Variants in CYSLTR1 observed in about 807,000 individuals in gnomAD.
CYSLTR1 encodes the protein cysteinyl leukotriene receptor 1, also known as G-protein coupled receptor HG55.
In CYSLTR1, 1 loss-of-function variant was observed where a neutral mutation model predicts 2.1. The observed-to-expected ratio is 0.48, with a 90% CI of 0.17 to 2.28. The LOEUF is 2.28. CYSLTR1 is among the 30% of genes most tolerant of loss of function. CYSLTR1 has a pLI of 0.26. For synonymous variants in CYSLTR1, 110 were observed against 89.6 expected (o/e 1.23, Z -1.28); for missense variants, 299 against 250.1 (o/e 1.20, Z -1.32).
chrX:78,301,929 T>G (rs938589037), intron 1 of CYSLTR1, among the ~76,000 whole-genome samples: 1 of 112,220 alleles, frequency 8.9e-6, no homozygotes, highest in Non-Finnish European at 1.9e-5. Context: ...AGCCACACCT[T>G]ACATGGTGGC....
At chrX:78,274,638 C>A (rs1210548930) in intron 2 of CYSLTR1, among the ~76,000 whole-genome samples, 1 of 110,391 alleles carries the variant, frequency 9.1e-6, no homozygotes, top group Non-Finnish European at 1.9e-5. Flanking sequence ...AGAAGAAAAC[C>A]TAGGCATTAC....
In CYSLTR1 at chrX:78,273,183, G is replaced by A. The variant is rs143852533; in HGVS notation, c.564C>T (p.Val188=). 2.8e-4 allele frequency: 338 copies of A among 1,208,155 alleles called. No homozygotes were observed. Among genetic ancestry groups the A allele is most frequent in the Non-Finnish European group, 3.6e-4 (318 of 894,433 alleles). Residue 188 remains valine (V), a synonymous_variant, in exon 3 of 3, where the codon GTC becomes GTT. Coordinates refer to ENST00000373304, the MANE Select transcript of CYSLTR1 (RefSeq NM_006639.4). ...CAACAAACAATGACACATAATGCAAGACCAAAACATGATTTTTAGTTTGAT... is the reference window on the plus strand; with the variant it reads ...CAACAAACAATGACACATAATGCAAAACCAAAACATGATTTTTAGTTTGAT... ...QDNQTKNHVL[V]LHYVSLFVGF...
chrX:78,309,514 G>A (rs1321986400), intron 1 of CYSLTR1, among the ~76,000 whole-genome samples: 1 of 111,685 alleles, frequency 9.0e-6, no homozygotes, highest in Non-Finnish European at 1.9e-5. Context: ...GCTTTCACAA[G>A]GATTTGAGAC....
intron 1 of CYSLTR1, among the ~76,000 whole-genome samples, chrX:78,309,256 A>G (rs1002325697): frequency 2.7e-5 from 3 of 111,416 alleles, no homozygotes; most frequent in African/African-American, 9.8e-5. Flanking sequence ...CACCACATTG[A>G]TCACACCTTC....
rs1211681479 is a variant in CYSLTR1 at position 78,271,933 on chromosome X, A to G, written c.*800T>C. On this transcript the variant is annotated 3_prime_UTR_variant, in exon 3 of 3. Transcript: ENST00000373304. ...GATAAGTTTTTAATTACTTCTATTTATATATAGGAGTGCCAGTTGTCTGGC... is the reference window on the plus strand; with the variant it reads ...GATAAGTTTTTAATTACTTCTATTTGTATATAGGAGTGCCAGTTGTCTGGC... The G allele has an allele frequency of 8.9e-6, 1 of 111,735 alleles. No individual in the cohort carries two copies. The highest frequency in any genetic ancestry group is 3.7e-4 in the South Asian group (1 of 2,700). The allele number at this position is 111,735 out of a possible 1,213,427, so 9.2% of individuals were successfully genotyped here.
chrX:78,314,879 A>T (rs1923350604), intron 1 of CYSLTR1, among the ~76,000 whole-genome samples: 1 of 109,209 alleles, frequency 9.2e-6, no homozygotes. Flanking sequence ...TCCTAGTGCT[A>T]AACTGTGCCC....
intron 1 of CYSLTR1, among the ~76,000 whole-genome samples, chrX:78,300,265 C>T (rs1039726280): frequency 6.2e-5 from 7 of 112,635 alleles, no homozygotes; most frequent in Non-Finnish European, 9.4e-5. Flanking sequence ...TGAATGGTCA[C>T]GTATCTCTGT....
At chrX:78,280,466 C>T (rs746840299) in intron 2 of CYSLTR1, among the ~76,000 whole-genome samples, 2 of 108,047 alleles carry the variant, frequency 1.9e-5, no homozygotes, top group East Asian at 5.8e-4. Context: ...GAAATCATTT[C>T]CCTAACAAAG....
intron 1 of CYSLTR1, among the ~76,000 whole-genome samples, chrX:78,326,338 A>G (rs1170514586): frequency 8.9e-6 from 1 of 112,356 alleles, no homozygotes; most frequent in Admixed American, 9.4e-5. Context: ...TTTATAATGC[A>G]TTGTAAAAAT....
intron 1 of CYSLTR1, among the ~76,000 whole-genome samples, chrX:78,287,616 C>T (rs774976209): frequency 9.0e-6 from 1 of 111,667 alleles, no homozygotes; most frequent in Non-Finnish European, 1.9e-5. Context: ...TTGATACAGT[C>T]AACAATGTGG....
chrX:78,315,912 A>G (rs900367657), intron 1 of CYSLTR1, among the ~76,000 whole-genome samples: 1 of 112,118 alleles, frequency 8.9e-6, no homozygotes, highest in African/African-American at 3.2e-5. Context: ...TTGAGTAAAC[A>G]TAGACAGTAG....
chrX:78,294,707 C>T (rs1922502638), intron 1 of CYSLTR1, among the ~76,000 whole-genome samples: 1 of 112,694 alleles, frequency 8.9e-6, no homozygotes, highest in Non-Finnish European at 1.9e-5. Flanking sequence ...CTCCACCCAG[C>T]AGGCTGAAGC....
intron 1 of CYSLTR1, among the ~76,000 whole-genome samples, chrX:78,292,618 T>C (rs1922393327): frequency 9.0e-6 from 1 of 111,536 alleles, no homozygotes; most frequent in African/African-American, 3.3e-5. Context: ...TCTTTGTAGG[T>C]CTCTAAGGAC....
At chrX:78,312,859 G>C (rs1923269348) in intron 1 of CYSLTR1, among the ~76,000 whole-genome samples, 1 of 112,318 alleles carries the variant, frequency 8.9e-6, no homozygotes, top group Non-Finnish European at 1.9e-5. Context: ...CTTATACACT[G>C]TTAGTGGGAA....
At chrX:78,302,271 G>T (rs1443839475) in intron 1 of CYSLTR1, among the ~76,000 whole-genome samples, 1 of 112,375 alleles carries the variant, frequency 8.9e-6, no homozygotes, top group Non-Finnish European at 1.9e-5. Flanking sequence ...CCAGCTTGTG[G>T]TGAATGCTGC....
At chrX:78,281,555 G>T (rs1416343333) in intron 2 of CYSLTR1, among the ~76,000 whole-genome samples, 1 of 111,422 alleles carries the variant, frequency 9.0e-6, no homozygotes, top group South Asian at 3.8e-4. Flanking sequence ...TTACAGGTGT[G>T]AGCCACCATG....
At chrX:78,311,601 A>G (rs955472047) in intron 1 of CYSLTR1, among the ~76,000 whole-genome samples, 1 of 112,148 alleles carries the variant, frequency 8.9e-6, no homozygotes, top group African/African-American at 3.2e-5. Flanking sequence ...GACACTGCAA[A>G]GAAACTCCCA....
At chrX:78,276,640 CATT>C (rs757354817) in intron 2 of CYSLTR1, among the ~76,000 whole-genome samples, 4 of 110,182 alleles carry the variant, frequency 3.6e-5, no homozygotes, top group East Asian at 5.7e-4. Flanking sequence ...TTAAAAAAGT[CATT>C]ATTATTATTA....
In CYSLTR1 at chrX:78,273,792, A is replaced by T; in HGVS notation, c.-27-19T>A. On this transcript the variant is annotated intron_variant, in intron 2 of 2. Transcript: ENST00000373304. ...TTTGTGCCTATAATAAATAAAAAAAATTGTCAATTTTAACTAGACCATAAA... is the reference window on the plus strand; with the variant it reads ...TTTGTGCCTATAATAAATAAAAAAATTTGTCAATTTTAACTAGACCATAAA... 1 of 1,124,545 alleles carries T rather than the reference A, an allele frequency of 8.9e-7. No individual in the cohort carries two copies. Among genetic ancestry groups the T allele is most frequent in the Non-Finnish European group, 1.2e-6 (1 of 844,931 alleles). The allele number at this position is 1,124,545 out of a possible 1,213,427, so 92.7% of individuals were successfully genotyped here.
Sources: gnomAD v4.1 joint callset for allele counts (sites outside exome capture counted in the v4.1 genomes callset) on GRCh38, gnomAD v4.1.1 for gene constraint, MANE v1.5 for transcripts, NCBI Gene and HGNC (gene_info 2026-07-23, HGNC 2026-07-21) for gene names.